The following SNAP25 variants were observed in gnomAD, a reference collection of about 807,000 sequenced individuals.
SNAP25 encodes synaptosome associated protein 25.
A neutral mutation model predicts 28.7 loss-of-function variants in SNAP25; 3 were observed. The observed-to-expected ratio is 0.10, with a 90% confidence interval of 0.05 to 0.27. The LOEUF is 0.27. Among genes scored for constraint, SNAP25 ranks in the 10% least tolerant of loss-of-function variants. SNAP25 has a pLI of 1.00. For missense variants in SNAP25, 117 were observed against 278.7 expected (o/e 0.42, Z 4.13); for synonymous variants, 61 against 88.1 (o/e 0.69, Z 1.72).
intron 1 of SNAP25, among the ~76,000 whole-genome samples, chr20:10,226,269 G>A (rs6077693): frequency 0.15 from 22,615 of 152,080 alleles, 1,941 homozygotes; most frequent in Middle Eastern, 0.21. Flanking sequence ...ATTTCAATAC[G>A]CATTAGCCTT....
intron 1 of SNAP25, among the ~76,000 whole-genome samples, chr20:10,271,003 C>T (rs185279639): frequency 2.0e-5 from 3 of 152,286 alleles, no homozygotes; most frequent in Admixed American, 6.5e-5. Flanking sequence ...TAATTAGATA[C>T]TGTTAGGCTC....
chr20:10,255,668 T>TCGTGGTTCC (rs1050191523), intron 1 of SNAP25, among the ~76,000 whole-genome samples: 29 of 152,224 alleles, frequency 1.9e-4, no homozygotes, highest in Non-Finnish European at 1.5e-4. Flanking sequence ...TTTTCTGTGA[T>TCGTGGTTCC]TTAACACAGG....
At chr20:10,219,942 C>G (rs1186956336) in intron 1 of SNAP25, among the ~76,000 whole-genome samples, 1 of 152,226 alleles carries the variant, frequency 6.6e-6, no homozygotes. Context: ...TGGAAATCTT[C>G]TGTGTTGCCC....
At chr20:10,223,802 AC>A in intron 1 of SNAP25, among the ~76,000 whole-genome samples, 1 of 152,332 alleles carries the variant, frequency 6.6e-6, no homozygotes, top group Middle Eastern at 3.4e-3. Context: ...AATTTTCTTC[AC>A]AAGACTCTCA....
At chr20:10,266,338 A>G (rs1317206059) in intron 1 of SNAP25, among the ~76,000 whole-genome samples, 1 of 152,232 alleles carries the variant, frequency 6.6e-6, no homozygotes, top group African/African-American at 2.4e-5. Context: ...CATCCAGTGA[A>G]AATAATAGCA....
At chr20:10,262,969 G>A (rs1028545520) in intron 1 of SNAP25, among the ~76,000 whole-genome samples, 2 of 148,772 alleles carry the variant, frequency 1.3e-5, no homozygotes, top group African/African-American at 4.9e-5. Context: ...GGTACTTGCT[G>A]CCACTCCCAG....
intron 1 of SNAP25, among the ~76,000 whole-genome samples, chr20:10,242,509 G>A (rs2063052757): frequency 6.6e-6 from 1 of 152,184 alleles, no homozygotes; most frequent in Non-Finnish European, 1.5e-5. Flanking sequence ...AGGTGCACTT[G>A]CTAGTGGAAA....
chr20:10,260,721 ACAAACAC>A (rs2063399126), intron 1 of SNAP25, among the ~76,000 whole-genome samples: 1 of 146,562 alleles, frequency 6.8e-6, no homozygotes, highest in African/African-American at 2.6e-5. Flanking sequence ...ACACACACAC[ACAAACAC>A]ACACACACAC....
chr20:10,257,431 A>C (rs1264070671), intron 1 of SNAP25, among the ~76,000 whole-genome samples: 1 of 152,086 alleles, frequency 6.6e-6, no homozygotes, highest in East Asian at 1.9e-4. Flanking sequence ...ATTAGCCAGC[A>C]TGGGCCAGAC....
chr20:10,227,687 G>A (rs1286041885), intron 1 of SNAP25, among the ~76,000 whole-genome samples: 1 of 152,106 alleles, frequency 6.6e-6, no homozygotes, highest in Non-Finnish European at 1.5e-5. Context: ...TAAAGGCATT[G>A]CTAAAATCAG....
intron 7 of SNAP25, 43 bp downstream of exon 7, chr20:10,299,455 C>A: frequency 6.3e-7 from 1 of 1,584,822 alleles, no homozygotes; most frequent in Non-Finnish European, 8.6e-7. Context: ...CGAGTCACTT[C>A]TGAAATGACC....
intron 3 of SNAP25, among the ~76,000 whole-genome samples, chr20:10,281,490 T>C (rs76663119): frequency 0.013 from 1,943 of 152,286 alleles, 33 homozygotes; most frequent in African/African-American, 0.04. Context: ...TCATCAAATG[T>C]ACATTACCTA....
At chr20:10,296,020 C>A (rs890279735) in intron 5 of SNAP25, among the ~76,000 whole-genome samples, 2 of 152,188 alleles carry the variant, frequency 1.3e-5, no homozygotes, top group South Asian at 2.1e-4. Context: ...ACTGAACCTG[C>A]GTTTCAAATC....
chr20:10,245,573 G>C (rs1406837746), intron 1 of SNAP25, among the ~76,000 whole-genome samples: 1 of 152,252 alleles, frequency 6.6e-6, no homozygotes, highest in African/African-American at 2.4e-5. Flanking sequence ...TTCTGGGGCA[G>C]TGTGGGTTTC....
Position 10,218,872 on chromosome 20 carries a change from C to T in SNAP25, c.-169C>T, listed in dbSNP as rs987408822. 1.3e-5 allele frequency: 2 copies of T among 152,168 alleles called. No homozygotes were observed. The highest frequency in any genetic ancestry group is 3.9e-4 in the East Asian group (2 of 5,178). 9.4% of individuals were successfully genotyped at this position (152,168 alleles called of 1,614,324 possible). ...AGCTCACGTTGCATTGAAGACGAAA[C>T]CTCGGGGAGGTCAGGCGCTGTCTTT... On this transcript the variant is annotated 5_prime_UTR_variant, in exon 1 of 8. Transcript: ENST00000254976.
chr20:10,298,218 C>G (rs2064156909), intron 6 of SNAP25, among the ~76,000 whole-genome samples: 1 of 148,894 alleles, frequency 6.7e-6, no homozygotes, highest in South Asian at 2.1e-4. Context: ...TCAGGTGATT[C>G]TGATATGCAC....
chr20:10,244,490 G>C (rs994559955), intron 1 of SNAP25, among the ~76,000 whole-genome samples: 6 of 152,170 alleles, frequency 3.9e-5, no homozygotes, highest in Non-Finnish European at 7.3e-5. Flanking sequence ...GGAAACTGAG[G>C]CACAGTGAGG....
chr20:10,256,942 G>A (rs1377622898), intron 1 of SNAP25, among the ~76,000 whole-genome samples: 1 of 152,182 alleles, frequency 6.6e-6, no homozygotes, highest in Admixed American at 6.5e-5. Context: ...AGGATAATAT[G>A]TGTATATCTG....
chr20:10,276,138 A>G (rs2063687347), intron 2 of SNAP25, among the ~76,000 whole-genome samples: 1 of 152,210 alleles, frequency 6.6e-6, no homozygotes, highest in Non-Finnish European at 1.5e-5. Context: ...CATGATCAGT[A>G]ATATGAAGTT....
Sources: gnomAD v4.1 joint callset for allele counts (sites outside exome capture counted in the v4.1 genomes callset) on GRCh38, gnomAD v4.1.1 for gene constraint, MANE v1.5 for transcripts, NCBI Gene and HGNC (gene_info 2026-07-23, HGNC 2026-07-21) for gene names.